The following PELI2 variants were observed in gnomAD, a reference collection of about 807,000 sequenced individuals.
PELI2 encodes E3 ubiquitin-protein ligase pellino homolog 2.
In PELI2, 23 loss-of-function variants were observed where a neutral mutation model predicts 42.3. That is an observed-to-expected ratio of 0.54 (90% CI 0.39 to 0.77). The LOEUF (loss-of-function observed/expected upper bound fraction) is 0.77. Ranked by LOEUF, PELI2 falls within the 30% of genes least tolerant of loss-of-function variation. The pLI, the probability that PELI2 is intolerant of heterozygous loss-of-function variation, is 0.00. For missense variants in PELI2, 463 were observed against 553.2 expected, an observed-to-expected ratio of 0.84 and a Z score of 1.64; for synonymous variants, 245 against 212.2, an observed-to-expected ratio of 1.15 and a Z score of -1.34.
At chr14:56,235,774 G>A (rs1009991574) in intron 2 of PELI2, among the ~76,000 whole-genome samples, 4 of 152,228 alleles carry the variant, frequency 2.6e-5, no homozygotes, top group African/African-American at 9.6e-5. Context: ...GTATCCTGCA[G>A]AGGAGCTGTC....
chr14:56,196,278 T>G (rs1594628859), intron 2 of PELI2, among the ~76,000 whole-genome samples: 1 of 152,184 alleles, frequency 6.6e-6, no homozygotes, highest in Admixed American at 6.5e-5. Flanking sequence ...GGTTTTTCGG[T>G]GAAATTGTGA....
At chr14:56,257,076 TA>T (rs1888551352) in intron 2 of PELI2, among the ~76,000 whole-genome samples, 3 of 152,210 alleles carry the variant, frequency 2.0e-5, no homozygotes, top group South Asian at 2.1e-4. Flanking sequence ...GTATTAATAG[TA>T]TATAGTGGGC....
At chr14:56,159,626 G>T (rs1049901189) in intron 1 of PELI2, among the ~76,000 whole-genome samples, 2 of 151,632 alleles carry the variant, frequency 1.3e-5, no homozygotes, top group African/African-American at 4.8e-5. Context: ...AAAAATTACT[G>T]CAGGGCAATA....
At chr14:56,275,732 GTTCC>G (rs1309221228) in intron 2 of PELI2, among the ~76,000 whole-genome samples, 1 of 152,166 alleles carries the variant, frequency 6.6e-6, no homozygotes, top group Admixed American at 6.5e-5. Flanking sequence ...GTGTGCCGTG[GTTCC>G]TAACAGGCCA....
intron 1 of PELI2, among the ~76,000 whole-genome samples, chr14:56,144,520 A>G (rs1884037415): frequency 6.6e-6 from 1 of 152,232 alleles, no homozygotes; most frequent in Admixed American, 6.5e-5. Context: ...ATGGACTTTA[A>G]TAACATCTAC....
chr14:56,198,465 A>AG (rs1886219961), intron 2 of PELI2, among the ~76,000 whole-genome samples: 1 of 152,240 alleles, frequency 6.6e-6, no homozygotes, highest in Non-Finnish European at 1.5e-5. Flanking sequence ...GGAGTAGCTG[A>AG]CAACATCACA....
intron 2 of PELI2, among the ~76,000 whole-genome samples, chr14:56,223,803 A>G (rs1331104208): frequency 6.6e-6 from 1 of 152,164 alleles, no homozygotes; most frequent in Non-Finnish European, 1.5e-5. Context: ...CATTTTTCTA[A>G]TTTAGGCATC....
At chr14:56,234,564 A>T (rs186371990) in intron 2 of PELI2, among the ~76,000 whole-genome samples, 45 of 152,234 alleles carry the variant, frequency 3.0e-4, no homozygotes, top group Admixed American at 2.9e-3. Context: ...GAACACTTGG[A>T]CACAGGGTGG....
At chr14:56,276,298 T>C (rs1284404683) in intron 2 of PELI2, among the ~76,000 whole-genome samples, 4 of 152,150 alleles carry the variant, frequency 2.6e-5, no homozygotes, top group African/African-American at 7.2e-5. Flanking sequence ...ATTCATGTAA[T>C]TGAAGGAAGT....
At chr14:56,283,129 G>A (rs79159292) in intron 3 of PELI2, among the ~76,000 whole-genome samples, 11,525 of 152,146 alleles carry the variant, frequency 0.076, 597 homozygotes, top group East Asian at 0.23. Context: ...AGCGACGTAC[G>A]TGTCACATAG....
At chr14:56,171,349 C>T (rs1345715877) in intron 1 of PELI2, among the ~76,000 whole-genome samples, 1 of 152,154 alleles carries the variant, frequency 6.6e-6, no homozygotes, top group East Asian at 1.9e-4. Flanking sequence ...ACCCTTCCAC[C>T]ATGGGATGAA....
At chr14:56,125,416 A>T (rs867789512) in intron 1 of PELI2, among the ~76,000 whole-genome samples, 2 of 112,224 alleles carry the variant, frequency 1.8e-5, no homozygotes, top group African/African-American at 3.8e-5. Flanking sequence ...TTGGGTGGGC[A>T]GGGGGGGGGT....
intron 2 of PELI2, among the ~76,000 whole-genome samples, chr14:56,254,701 G>A (rs1407863990): frequency 6.6e-6 from 1 of 152,118 alleles, no homozygotes; most frequent in Non-Finnish European, 1.5e-5. Flanking sequence ...GAGTGAACAG[G>A]CAACCTACAG....
chr14:56,261,921 G>A (rs1888727240), intron 2 of PELI2, among the ~76,000 whole-genome samples: 1 of 152,174 alleles, frequency 6.6e-6, no homozygotes, highest in African/African-American at 2.4e-5. Context: ...TATATTGACT[G>A]AAGATTGCTG....
chr14:56,158,803 A>C (rs1391627197), intron 1 of PELI2, among the ~76,000 whole-genome samples: 3 of 152,236 alleles, frequency 2.0e-5, no homozygotes, highest in Admixed American at 6.5e-5. Flanking sequence ...TTGTGCACAC[A>C]CATTATTTGG....
chr14:56,176,325 A>G (rs1441984393), intron 1 of PELI2, among the ~76,000 whole-genome samples: 1 of 152,026 alleles, frequency 6.6e-6, no homozygotes, highest in Non-Finnish European at 1.5e-5. Flanking sequence ...ACCCCTCTCA[A>G]CTCCAGTGGG....
intron 1 of PELI2, among the ~76,000 whole-genome samples, chr14:56,174,799 G>C (rs1434712088): frequency 6.6e-6 from 1 of 152,114 alleles, no homozygotes; most frequent in East Asian, 1.9e-4. Context: ...TTCACAGGTA[G>C]TTCTTTACAG....
rs2139892280 is a variant in PELI2, at chr14:56,288,363, G to T, written c.310-74G>T. 9.0e-7 allele frequency: 1 copy of T among 1,107,672 alleles called. No individual in the cohort carries two copies. Among genetic ancestry groups the T allele is most frequent in the East Asian group, 2.5e-5 (1 of 40,322 alleles). 68.6% of individuals were successfully genotyped at this position (1,107,672 alleles called of 1,614,324 possible). A position where few individuals can be genotyped will look rare whatever the true frequency, so the allele number is the denominator to read the frequency against. On this transcript the variant is annotated intron_variant, in intron 3 of 5. Transcript: ENST00000267460. This position sits in a 1 kb window ranked among gnomAD's most constrained non-coding sequence, Gnocchi z 4.6. ...AGTGAATGTTAAAGGAATCCTGAAT[G>T]CTTTTTCCTTGTGAATAAAATACGG...
chr14:56,248,872 C>A (rs1007877475), intron 2 of PELI2, among the ~76,000 whole-genome samples: 6 of 151,980 alleles, frequency 3.9e-5, no homozygotes, highest in Admixed American at 6.6e-5. Flanking sequence ...TGCGGCTGCT[C>A]CTGCCATGCC....
Sources: gnomAD v4.1 joint callset for allele counts (sites outside exome capture counted in the v4.1 genomes callset) on GRCh38, gnomAD v4.1.1 for gene constraint, Gnocchi (gnomAD v3.1) non-coding constraint, MANE v1.5 for transcripts, NCBI Gene and HGNC (gene_info 2026-07-23, HGNC 2026-07-21) for gene names.